The following SLIT3 variants were observed in gnomAD, a reference collection of about 807,000 sequenced individuals.
SLIT3 encodes slit homolog 3 protein.
Under a neutral mutation model 184.0 loss-of-function variants are expected in SLIT3, and 68 were observed. That is an observed-to-expected ratio of 0.37 (90% CI 0.30 to 0.45). SLIT3 has a LOEUF of 0.45. Among genes scored for constraint, SLIT3 ranks in the 20% least tolerant of loss-of-function variants. The pLI is 1.00. For synonymous variants in SLIT3, 831 were observed against 828.6 expected (o/e 1.00, Z -0.05); for missense variants, 1,707 against 2,026.0 (o/e 0.84, Z 3.02).
intron 1 of SLIT3, among the ~76,000 whole-genome samples, chr5:169,271,936 C>A (rs1004290932): frequency 6.6e-6 from 1 of 152,134 alleles, no homozygotes. Flanking sequence ...TCCATAGACT[C>A]GTAATGGGCA....
At chr5:168,695,053 G>A (rs946821830) in intron 28 of SLIT3, among the ~76,000 whole-genome samples, 1 of 152,208 alleles carries the variant, frequency 6.6e-6, no homozygotes, top group Non-Finnish European at 1.5e-5. Context: ...TGTACTTGGG[G>A]ATACTGTCTA....
At chr5:168,759,008 TGTGTATATG>T (rs1755047344) in intron 16 of SLIT3, among the ~76,000 whole-genome samples, 2 of 152,252 alleles carry the variant, frequency 1.3e-5, no homozygotes, top group Admixed American at 1.3e-4. Flanking sequence ...ACCTTCAGGC[TGTGTATATG>T]GTGTACATGA....
At chr5:169,285,823 T>A (rs1767134900) in intron 1 of SLIT3, among the ~76,000 whole-genome samples, 1 of 152,214 alleles carries the variant, frequency 6.6e-6, no homozygotes, top group Non-Finnish European at 1.5e-5. Flanking sequence ...AACAGCCTGC[T>A]GGGGATTCTA....
intron 14 of SLIT3, among the ~76,000 whole-genome samples, chr5:168,769,460 G>A (rs1156966344): frequency 1.4e-4 from 22 of 152,146 alleles, no homozygotes; most frequent in Admixed American, 1.4e-3. Context: ...GCATCTCAAC[G>A]GTGCATAGGT....
chr5:168,937,621 C>G (rs1465118077), intron 4 of SLIT3, among the ~76,000 whole-genome samples: 2 of 152,050 alleles, frequency 1.3e-5, no homozygotes, highest in South Asian at 4.2e-4. Context: ...ATTCTCTGAG[C>G]CTGTGAACCT....
intron 4 of SLIT3, among the ~76,000 whole-genome samples, chr5:169,182,288 T>C (rs772228197): frequency 2.0e-5 from 3 of 152,262 alleles, no homozygotes; most frequent in Non-Finnish European, 4.4e-5. Context: ...GCAAGGAGCA[T>C]GAAATTGACT....
At chr5:168,725,216 C>T (rs1763070940) in intron 20 of SLIT3, among the ~76,000 whole-genome samples, 1 of 152,136 alleles carries the variant, frequency 6.6e-6, no homozygotes. Flanking sequence ...GAGCTAAGAT[C>T]TGCCTGGACT....
At chr5:169,024,751 C>G (rs958737818) in intron 4 of SLIT3, 1 of 152,140 alleles carries the variant, frequency 6.6e-6, no homozygotes, top group Non-Finnish European at 1.5e-5. Context: ...CTGGAATCCA[C>G]CAACCCCTTG....
intron 11 of SLIT3, among the ~76,000 whole-genome samples, chr5:168,788,821 C>T (rs1415838496): frequency 1.3e-5 from 2 of 152,036 alleles, no homozygotes; most frequent in East Asian, 1.9e-4. Context: ...GCTCAGTAAA[C>T]ACTACTAATT....
chr5:169,016,284 C>G (rs1756372672), intron 4 of SLIT3, among the ~76,000 whole-genome samples: 1 of 152,060 alleles, frequency 6.6e-6, no homozygotes, highest in Admixed American at 6.6e-5. Flanking sequence ...TAAATACAGC[C>G]CCTGCACCAA....
chr5:168,782,702 C>G (rs941601954), intron 12 of SLIT3, among the ~76,000 whole-genome samples: 1 of 152,126 alleles, frequency 6.6e-6, no homozygotes, highest in East Asian at 1.9e-4. Flanking sequence ...TTCTGAGATG[C>G]CTCCATGTGG....
intron 4 of SLIT3, among the ~76,000 whole-genome samples, chr5:168,902,425 T>C (rs569761840): frequency 1.3e-5 from 2 of 152,310 alleles, no homozygotes; most frequent in South Asian, 4.1e-4. Flanking sequence ...AAGATGTTTG[T>C]ATGATGGGAA....
chr5:168,849,986 T>TA (rs1202249510), intron 5 of SLIT3, among the ~76,000 whole-genome samples: 2 of 152,176 alleles, frequency 1.3e-5, no homozygotes, highest in African/African-American at 2.4e-5. Context: ...TGTTTTTTTT[T>TA]ATGACAGTTT....
chr5:168,717,461 T>C (rs548051968), intron 23 of SLIT3, among the ~76,000 whole-genome samples: 20 of 152,124 alleles, frequency 1.3e-4, no homozygotes, highest in Admixed American at 3.9e-4. Flanking sequence ...CTTTCAGGTA[T>C]CGCCTTGTGT....
chr5:169,265,929 G>A (rs1766382223), intron 1 of SLIT3, among the ~76,000 whole-genome samples: 1 of 152,164 alleles, frequency 6.6e-6, no homozygotes, highest in East Asian at 1.9e-4. Flanking sequence ...GCACATCAAA[G>A]CATCTGCAGA....
intron 4 of SLIT3, among the ~76,000 whole-genome samples, chr5:168,917,366 A>G (rs1200279927): frequency 6.6e-6 from 1 of 152,162 alleles, no homozygotes; most frequent in Non-Finnish European, 1.5e-5. Context: ...ATTGTGTCTC[A>G]GCCCCAGCTT....
At chr5:168,932,347 GAC>G (rs375350401) in intron 4 of SLIT3, among the ~76,000 whole-genome samples, 44,560 of 130,832 alleles carry the variant, frequency 0.34, 7,786 homozygotes, top group Non-Finnish European at 0.43. Flanking sequence ...AGGGGAAAAA[GAC>G]ACACACACAC....
At chr5:168,911,888 G>A (rs1394003051) in intron 4 of SLIT3, among the ~76,000 whole-genome samples, 2 of 152,200 alleles carry the variant, frequency 1.3e-5, no homozygotes, top group South Asian at 2.1e-4. Flanking sequence ...TGAGTAAAAT[G>A]TTGCCTGTGC....
At chr5:168,864,271 A>G (rs1759221491) in intron 5 of SLIT3, among the ~76,000 whole-genome samples, 1 of 152,212 alleles carries the variant, frequency 6.6e-6, no homozygotes, top group East Asian at 1.9e-4. Context: ...TGTACAGACC[A>G]TCTGCACCTA....
Sources: gnomAD v4.1 joint callset for allele counts (sites outside exome capture counted in the v4.1 genomes callset) on GRCh38, gnomAD v4.1.1 for gene constraint, MANE v1.5 for transcripts, NCBI Gene and HGNC (gene_info 2026-07-23, HGNC 2026-07-21) for gene names.